NEK10: variants seen among roughly 807,000 people sequenced by gnomAD.
NEK10 encodes serine/threonine-protein kinase Nek10.
Under a neutral mutation model 159.8 loss-of-function variants are expected in NEK10, and 122 were observed. The ratio of observed to expected loss-of-function variants is 0.76; its 90% confidence interval spans 0.66 to 0.89. The LOEUF is 0.89. NEK10 is among the 40% of genes least tolerant of loss of function. The pLI, the probability that NEK10 is intolerant of heterozygous loss-of-function variation, is 0.00. For missense variants in NEK10, 1,342 were observed against 1,323.1 expected, an observed-to-expected ratio of 1.01 and a Z score of -0.22; for synonymous variants, 466 against 457.1, an observed-to-expected ratio of 1.02 and a Z score of -0.25.
chr3:27,207,615 T>A (rs1950635884), intron 23 of NEK10, among the ~76,000 whole-genome samples: 1 of 152,156 alleles, frequency 6.6e-6, no homozygotes, highest in Non-Finnish European at 1.5e-5. Flanking sequence ...TATCCAATAA[T>A]ATTTGCTTCA....
intron 22 of NEK10, among the ~76,000 whole-genome samples, chr3:27,281,167 T>C (rs1177242102): frequency 1.3e-5 from 2 of 151,958 alleles, no homozygotes; most frequent in Non-Finnish European, 2.9e-5. Flanking sequence ...GAGACAAACA[T>C]TAAAAACTAA....
intron 30 of NEK10, among the ~76,000 whole-genome samples, chr3:27,155,331 G>A (rs956400890): frequency 6.6e-5 from 10 of 151,704 alleles, no homozygotes; most frequent in East Asian, 5.8e-4. Flanking sequence ...GTGAAACCCT[G>A]TCTCTACTAA....
In NEK10 at chr3:27,108,256, G is replaced by A. The variant is rs1404634376; in HGVS notation, c.*3016C>T. 6.6e-6 allele frequency among the ~76,000 whole-genome samples: 1 copy of A among 152,160 alleles called. No homozygotes were observed. Among genetic ancestry groups the A allele is most frequent in the Non-Finnish European group, 1.5e-5 (1 of 68,026 alleles). The stretch of plus-strand genomic sequence containing the variant: ...AAACACTGCCTAATGCCATACAAGT[G>A]TCCACAATAAACAAGCAGCATTTCT... On this transcript the variant is annotated 3_prime_UTR_variant, in exon 36 of 36. Coordinates refer to ENST00000691995, the MANE Select transcript of NEK10 (RefSeq NM_001394966.1).
At chr3:27,350,207 T>C (rs74438047) in intron 3 of NEK10, among the ~76,000 whole-genome samples, 1 of 152,260 alleles carries the variant, frequency 6.6e-6, no homozygotes, top group East Asian at 1.9e-4. Flanking sequence ...CCGAACCAAA[T>C]ATGTTGCCCA....
chr3:27,224,210 C>A (rs1952401434), intron 23 of NEK10, among the ~76,000 whole-genome samples: 1 of 152,232 alleles, frequency 6.6e-6, no homozygotes, highest in African/African-American at 2.4e-5. Flanking sequence ...TCCCAACTGC[C>A]TCCCCGGCTT....
At chr3:27,232,363 G>T (rs1953390221) in intron 23 of NEK10, among the ~76,000 whole-genome samples, 1 of 151,904 alleles carries the variant, frequency 6.6e-6, no homozygotes, top group Non-Finnish European at 1.5e-5. Flanking sequence ...CCAAGGAAGT[G>T]AATGATCTCT....
intron 26 of NEK10, among the ~76,000 whole-genome samples, chr3:27,190,224 T>C (rs1206525969): frequency 1.3e-5 from 2 of 152,168 alleles, no homozygotes; most frequent in African/African-American, 4.8e-5. Context: ...AATCCCTCCC[T>C]TGGTTTCAGA....
Position 27,287,696 on chromosome 3 carries a change from A to G in NEK10, c.1789+2T>C. The stretch of plus-strand genomic sequence containing the variant: ...AGAAATATCATGAAAACTCATACTT[A>G]CTTTCCAGAAATGTTTTGTAATAAC... On this transcript the variant is annotated splice_donor_variant, in intron 20 of 35. Coordinates refer to ENST00000691995, the MANE Select transcript of NEK10 (RefSeq NM_001394966.1). LOFTEE classifies it high-confidence loss of function. The G allele has an allele frequency of 1.3e-6, 2 of 1,565,080 alleles. No individual in the cohort carries two copies. The highest frequency in any genetic ancestry group is 1.2e-5 in the South Asian group (1 of 82,492).
intron 14 of NEK10, 50 bp downstream of exon 14, chr3:27,297,129 T>G (rs770465766): frequency 1.7e-6 from 2 of 1,197,686 alleles, no homozygotes; most frequent in African/African-American, 1.5e-5. Flanking sequence ...ACAAGGTGAG[T>G]TGATTATGAA....
At chr3:27,277,773 C>T (rs2041876011) in intron 22 of NEK10, among the ~76,000 whole-genome samples, 2 of 152,196 alleles carry the variant, frequency 1.3e-5, no homozygotes, top group African/African-American at 4.8e-5. Context: ...AATGCATCCA[C>T]ATCCTGCTAC....
At chr3:27,343,417 A>G (rs959929116) in intron 5 of NEK10, among the ~76,000 whole-genome samples, 1 of 152,238 alleles carries the variant, frequency 6.6e-6, no homozygotes, top group African/African-American at 2.4e-5. Context: ...ATTTTTCACC[A>G]TAGAAATAAT....
At chr3:27,318,968 G>A (rs1484940815) in intron 6 of NEK10, among the ~76,000 whole-genome samples, 2 of 152,112 alleles carry the variant, frequency 1.3e-5, no homozygotes, top group Non-Finnish European at 2.9e-5. Flanking sequence ...GTTAAGAATA[G>A]GAACGTGTAA....
intron 22 of NEK10, among the ~76,000 whole-genome samples, chr3:27,262,739 T>A (rs2040528673): frequency 6.6e-6 from 1 of 152,210 alleles, no homozygotes; most frequent in Non-Finnish European, 1.5e-5. Flanking sequence ...TCATCTAATT[T>A]TTTTTCAAGG....
intron 31 of NEK10, 69 bp from the exon 32 acceptor site, chr3:27,132,059 T>C: frequency 1.2e-6 from 1 of 807,958 alleles, no homozygotes; most frequent in South Asian, 1.7e-5. Flanking sequence ...ACAAAAAGCA[T>C]TCGCTGAGGG....
chr3:27,295,773 C>G (rs1366836475), intron 14 of NEK10, 83 bp from the exon 15 acceptor site: 27 of 1,413,900 alleles, frequency 1.9e-5, no homozygotes, highest in Admixed American at 5.9e-5. Flanking sequence ...CAATCTCAAA[C>G]ATTAATATCA....
chr3:27,341,318 T>G (rs1005792493), intron 5 of NEK10, among the ~76,000 whole-genome samples: 1 of 152,156 alleles, frequency 6.6e-6, no homozygotes, highest in African/African-American at 2.4e-5. Context: ...TTAACAACAA[T>G]GTATTGTCTA....
chr3:27,183,213 A>G (rs1948297652), intron 26 of NEK10, among the ~76,000 whole-genome samples: 1 of 151,898 alleles, frequency 6.6e-6, no homozygotes, highest in African/African-American at 2.4e-5. Flanking sequence ...ATTATTATGT[A>G]CTCAAAATAA....
At position 27,201,584 on chromosome 3, in the gene NEK10, C is replaced by A. The variant is rs776178999; in HGVS notation, c.2221-4G>T. 1 of 1,612,120 alleles carries A rather than the reference C, an allele frequency of 6.2e-7. No individual in the cohort carries two copies. Among genetic ancestry groups the A allele is most frequent in the Non-Finnish European group, 8.5e-7 (1 of 1,178,420 alleles). On this transcript the variant is annotated splice_region_variant and splice_polypyrimidine_tract_variant and intron_variant, in intron 24 of 35. Coordinates refer to ENST00000691995, the MANE Select transcript of NEK10 (RefSeq NM_001394966.1). ...GTTCATATACCGCCTCCACTATCTG[C>A]AAAACAAACAGACTAGAGTGATGGA...
chr3:27,162,454 G>T, intron 30 of NEK10: 1 of 1,613,886 alleles, frequency 6.2e-7, no homozygotes, highest in Non-Finnish European at 8.5e-7. Flanking sequence ...GATCTAGTAA[G>T]TACTACCATG....
Sources: allele counts gnomAD v4.1 joint callset (sites outside exome capture counted in the v4.1 genomes callset), GRCh38; gene constraint gnomAD v4.1.1; transcripts MANE v1.5; gene names NCBI Gene and HGNC (gene_info 2026-07-23, HGNC 2026-07-21).